The following SIL1 variants were observed in gnomAD, a reference collection of about 807,000 sequenced individuals.
SIL1 encodes the protein SIL1 nucleotide exchange factor, also known as nucleotide exchange factor SIL1.
SIL1 carries 40 observed loss-of-function variants against 49.1 expected under a neutral mutation model. That is an observed-to-expected ratio of 0.81 (90% confidence interval 0.63 to 1.06). The LOEUF is 1.06. Ranked by LOEUF, SIL1 falls within the 50% of genes least tolerant of loss-of-function variation. SIL1 has a pLI of 0.00. For missense variants in SIL1, 500 were observed against 572.6 expected (o/e 0.87, Z 1.29); for synonymous variants, 253 against 250.8 (o/e 1.01, Z -0.08).
At chr5:139,149,543 G>A (rs1016756654) in intron 1 of SIL1, among the ~76,000 whole-genome samples, 1 of 152,142 alleles carries the variant, frequency 6.6e-6, no homozygotes, top group Admixed American at 6.5e-5. Flanking sequence ...CTCTTAAGGA[G>A]AACAGATACC....
intron 6 of SIL1, 55 bp downstream of exon 6, chr5:139,026,746 G>T: frequency 1.3e-6 from 2 of 1,500,058 alleles, no homozygotes; most frequent in Non-Finnish European, 1.9e-6. Context: ...TAGGGAAGGG[G>T]GATTTATTTT....
intron 7 of SIL1, among the ~76,000 whole-genome samples, chr5:138,959,222 T>C (rs951849344): frequency 6.6e-6 from 1 of 152,186 alleles, no homozygotes; most frequent in Non-Finnish European, 1.5e-5. Context: ...ATATACTAAA[T>C]CATAATCTCA....
At chr5:139,132,575 G>A (rs1411342949) in intron 1 of SIL1, among the ~76,000 whole-genome samples, 2 of 152,212 alleles carry the variant, frequency 1.3e-5, no homozygotes, top group Non-Finnish European at 2.9e-5. Flanking sequence ...GAGGGATGGG[G>A]AGATTGAGAG....
At chr5:139,188,766 G>GCAAGA in intron 1 of SIL1, among the ~76,000 whole-genome samples, 1 of 152,214 alleles carries the variant, frequency 6.6e-6, no homozygotes, top group East Asian at 1.9e-4. Context: ...CAAGAGATAA[G>GCAAGA]GAGAACATAC....
intron 1 of SIL1, among the ~76,000 whole-genome samples, chr5:139,150,807 C>T (rs1365637745): frequency 6.6e-6 from 1 of 152,138 alleles, no homozygotes; most frequent in Non-Finnish European, 1.5e-5. Flanking sequence ...GAAATGTCAA[C>T]ACTTTGGGAG....
chr5:139,187,656 C>G (rs1752099486), intron 1 of SIL1: 1 of 151,910 alleles, frequency 6.6e-6, no homozygotes, highest in Non-Finnish European at 1.5e-5. Context: ...GGTGATGGTA[C>G]GGACATATTA....
At chr5:138,971,575 C>T (rs1045508160) in intron 7 of SIL1, among the ~76,000 whole-genome samples, 1 of 152,158 alleles carries the variant, frequency 6.6e-6, no homozygotes, top group Non-Finnish European at 1.5e-5. Flanking sequence ...AAGATTAACT[C>T]CCCTGAACCT....
chr5:138,952,610 C>T (rs192073290), intron 7 of SIL1, among the ~76,000 whole-genome samples: 131 of 152,324 alleles, frequency 8.6e-4, no homozygotes, highest in Admixed American at 2.5e-3. Flanking sequence ...AACGACTGAA[C>T]GAACGAACGA....
At chr5:138,984,420 G>A (rs1767606946) in intron 7 of SIL1, among the ~76,000 whole-genome samples, 1 of 151,444 alleles carries the variant, frequency 6.6e-6, no homozygotes, top group Non-Finnish European at 1.5e-5. Flanking sequence ...GTGCAGTGGG[G>A]TGATCTTGGC....
At chr5:139,170,464 G>A (rs914046574) in intron 1 of SIL1, among the ~76,000 whole-genome samples, 1 of 151,374 alleles carries the variant, frequency 6.6e-6, no homozygotes, top group Non-Finnish European at 1.5e-5. Context: ...GAAGTGAGGA[G>A]CGTCTCTGCC....
intron 3 of SIL1, among the ~76,000 whole-genome samples, chr5:139,103,059 G>A (rs1378098134): frequency 2.0e-5 from 3 of 152,042 alleles, no homozygotes; most frequent in Non-Finnish European, 4.4e-5. Context: ...TTGATCTTTG[G>A]TCTCCCACCT....
At chr5:139,046,764 C>CA (rs1047671836) in intron 4 of SIL1, among the ~76,000 whole-genome samples, 10 of 152,210 alleles carry the variant, frequency 6.6e-5, no homozygotes, top group Non-Finnish European at 1.0e-4. Flanking sequence ...CCAGGGATCT[C>CA]AGTGAGGATA....
intron 7 of SIL1, among the ~76,000 whole-genome samples, chr5:138,954,854 G>T (rs887947301): frequency 6.6e-6 from 1 of 152,252 alleles, no homozygotes; most frequent in African/African-American, 2.4e-5. Context: ...GTTTTCACCT[G>T]TGAGGCAGAG....
chr5:139,184,548 T>C (rs538677434), intron 1 of SIL1, among the ~76,000 whole-genome samples: 1 of 152,214 alleles, frequency 6.6e-6, no homozygotes, highest in East Asian at 1.9e-4. Flanking sequence ...TGGTGGCACA[T>C]GCCTATAGTC....
intron 1 of SIL1, among the ~76,000 whole-genome samples, chr5:139,151,564 A>G (rs10900858): frequency 0.46 from 70,000 of 152,050 alleles, 16,879 homozygotes; most frequent in South Asian, 0.56. Context: ...GGAAAAACTC[A>G]TCATTCATCT....
At chr5:139,102,680 T>A (rs529150435) in intron 3 of SIL1, among the ~76,000 whole-genome samples, 17 of 151,514 alleles carry the variant, frequency 1.1e-4, no homozygotes, top group African/African-American at 4.1e-4. Context: ...AGAAAACAGA[T>A]GAAACTAAGA....
intron 3 of SIL1, among the ~76,000 whole-genome samples, chr5:139,105,568 G>C (rs543105593): frequency 6.6e-6 from 1 of 152,332 alleles, no homozygotes; most frequent in East Asian, 1.9e-4. Context: ...TACAAGAACA[G>C]AGTAGAAAGG....
At chr5:138,973,201 TA>T (rs5871690) in intron 7 of SIL1, among the ~76,000 whole-genome samples, 5,653 of 105,342 alleles carry the variant, frequency 0.054, 122 homozygotes, top group African/African-American at 0.062. Context: ...TTGAAGTATT[TA>T]AAAAAAAAAA....
At chr5:138,955,208 C>G (rs1055280159) in intron 7 of SIL1, among the ~76,000 whole-genome samples, 1 of 152,166 alleles carries the variant, frequency 6.6e-6, no homozygotes, top group African/African-American at 2.4e-5. Context: ...CGCTGGTGTG[C>G]TCAAAGTCAA....
Sources: gnomAD v4.1 joint callset for allele counts (sites outside exome capture counted in the v4.1 genomes callset) on GRCh38, gnomAD v4.1.1 for gene constraint, MANE v1.5 for transcripts, NCBI Gene and HGNC (gene_info 2026-07-23, HGNC 2026-07-21) for gene names.